NYAP2: variants seen among roughly 807,000 people sequenced by gnomAD.
NYAP2 encodes the protein neuronal tyrosine-phosphorylated phosphoinositide-3-kinase adapter 2.
A neutral mutation model predicts 50.4 loss-of-function variants in NYAP2; 23 were observed. The observed-to-expected ratio is 0.46, with a 90% CI of 0.33 to 0.65. The LOEUF (loss-of-function observed/expected upper bound fraction) is 0.65. Among genes scored for constraint, NYAP2 ranks in the 30% least tolerant of loss-of-function variants. The probability of loss-of-function intolerance (pLI) is 0.02; values close to 1 mark genes in which losing one functional copy is unlikely to be tolerated. For synonymous variants in NYAP2, 394 were observed against 365.2 expected, an observed-to-expected ratio of 1.08 and a Z score of -0.90; for missense variants, 885 against 861.0, an observed-to-expected ratio of 1.03 and a Z score of -0.35.
chr2:225,561,744 G>A (rs536667653), intron 4 of NYAP2, among the ~76,000 whole-genome samples: 2 of 152,174 alleles, frequency 1.3e-5, no homozygotes, highest in South Asian at 2.1e-4. Context: ...GTAAAAATCA[G>A]TATGTTTTTA....
intron 3 of NYAP2, among the ~76,000 whole-genome samples, chr2:225,425,604 G>A (rs1695275664): frequency 6.6e-6 from 1 of 152,090 alleles, no homozygotes; most frequent in Non-Finnish European, 1.5e-5. Context: ...TTGAGTTTCT[G>A]TTTGAAAATG....
At chr2:225,546,982 T>C (rs1464628799) in intron 4 of NYAP2, among the ~76,000 whole-genome samples, 1 of 152,084 alleles carries the variant, frequency 6.6e-6, no homozygotes, top group African/African-American at 2.4e-5. Context: ...AGAAAGGTCA[T>C]ATGGGAACTG....
chr2:225,432,480 TATAA>T (rs1407205519), intron 3 of NYAP2, among the ~76,000 whole-genome samples: 2 of 150,142 alleles, frequency 1.3e-5, no homozygotes, highest in African/African-American at 2.4e-5. Flanking sequence ...TATAAATATA[TATAA>T]ATAGAGAGAT....
intron 3 of NYAP2, among the ~76,000 whole-genome samples, chr2:225,422,905 C>T (rs1179246706): frequency 6.6e-6 from 1 of 152,070 alleles, no homozygotes; most frequent in African/African-American, 2.4e-5. Context: ...CAATGGCTAG[C>T]TATCAGAAGC....
At chr2:225,631,799 T>C (rs1170845140) in intron 6 of NYAP2, among the ~76,000 whole-genome samples, 3 of 152,050 alleles carry the variant, frequency 2.0e-5, no homozygotes, top group Non-Finnish European at 2.9e-5. Flanking sequence ...CCTTTGGTAG[T>C]GTTTTGCTTT....
chr2:225,471,757 G>A (rs1160471364), intron 3 of NYAP2, among the ~76,000 whole-genome samples: 1 of 152,220 alleles, frequency 6.6e-6, no homozygotes, highest in African/African-American at 2.4e-5. Flanking sequence ...TTGAGAGAGT[G>A]TAAGCTGCTT....
intron 3 of NYAP2, among the ~76,000 whole-genome samples, chr2:225,483,340 A>G (rs1261023390): frequency 6.6e-6 from 1 of 152,186 alleles, no homozygotes; most frequent in African/African-American, 2.4e-5. Flanking sequence ...TTAATTATGC[A>G]TAGTTTTTAT....
intron 3 of NYAP2, among the ~76,000 whole-genome samples, chr2:225,486,894 A>G (rs1243776599): frequency 6.6e-6 from 1 of 152,178 alleles, no homozygotes; most frequent in Non-Finnish European, 1.5e-5. Flanking sequence ...ACATTTAAAC[A>G]TTTTAAATGG....
intron 3 of NYAP2, among the ~76,000 whole-genome samples, chr2:225,470,579 A>G (rs911593500): frequency 6.6e-6 from 1 of 152,162 alleles, no homozygotes; most frequent in Non-Finnish European, 1.5e-5. Flanking sequence ...GAATAAAAAC[A>G]TCATAGGGGG....
chr2:225,499,475 G>C (rs907278317), intron 3 of NYAP2, among the ~76,000 whole-genome samples: 40 of 136,712 alleles, frequency 2.9e-4, no homozygotes, highest in Non-Finnish European at 5.7e-4. Context: ...ACTGTTCCCG[G>C]CTAATTTTTT....
At chr2:225,571,352 C>A (rs1692069691) in intron 4 of NYAP2, among the ~76,000 whole-genome samples, 1 of 152,248 alleles carries the variant, frequency 6.6e-6, no homozygotes. Flanking sequence ...CATTTCCCTT[C>A]CACACTGCCA....
At chr2:225,496,810 C>G (rs1032478204) in intron 3 of NYAP2, among the ~76,000 whole-genome samples, 1 of 151,966 alleles carries the variant, frequency 6.6e-6, no homozygotes, top group African/African-American at 2.4e-5. Context: ...GGGTGTATAT[C>G]TTTATTGTAC....
chr2:225,636,245 G>A (rs747670064), intron 6 of NYAP2, among the ~76,000 whole-genome samples: 28 of 152,206 alleles, frequency 1.8e-4, no homozygotes, highest in Non-Finnish European at 3.7e-4. Flanking sequence ...TAGGAGCCAG[G>A]CAAATAAGAG....
intron 6 of NYAP2, among the ~76,000 whole-genome samples, chr2:225,640,705 A>G (rs1204430913): frequency 1.3e-5 from 2 of 152,222 alleles, no homozygotes; most frequent in African/African-American, 2.4e-5. Flanking sequence ...CCATGAGGCT[A>G]CTTACGGGTT....
chr2:225,558,382 T>C (rs1691813120), intron 4 of NYAP2, among the ~76,000 whole-genome samples: 1 of 152,196 alleles, frequency 6.6e-6, no homozygotes, highest in African/African-American at 2.4e-5. Flanking sequence ...TTGTCCATTT[T>C]TCCAGCTTCT....
intron 4 of NYAP2, among the ~76,000 whole-genome samples, chr2:225,565,786 C>G (rs1691950588): frequency 6.6e-6 from 1 of 152,092 alleles, no homozygotes; most frequent in Non-Finnish European, 1.5e-5. Flanking sequence ...TTGAGCTCAA[C>G]AAGGCTTCGT....
downstream of NYAP2, among the ~76,000 whole-genome samples, chr2:225,657,703 T>C (rs1254464186): frequency 1.3e-5 from 2 of 151,932 alleles, no homozygotes; most frequent in Non-Finnish European, 2.9e-5. Context: ...CTCAGGCCAC[T>C]ATGAGCATAG....
intron 4 of NYAP2, among the ~76,000 whole-genome samples, chr2:225,515,907 C>G (rs567767148): frequency 1.3e-5 from 2 of 152,154 alleles, no homozygotes; most frequent in African/African-American, 4.8e-5. Flanking sequence ...ATAAAAGAAC[C>G]ACCCAAAGAG....
intron 4 of NYAP2, among the ~76,000 whole-genome samples, chr2:225,578,542 A>G (rs1480582052): frequency 2.6e-5 from 4 of 152,182 alleles, no homozygotes; most frequent in Admixed American, 6.5e-5. Flanking sequence ...TAGAAACTGG[A>G]GAGTCAGATC....
Sources: allele counts gnomAD v4.1 joint callset (sites outside exome capture counted in the v4.1 genomes callset), GRCh38; gene constraint gnomAD v4.1.1; transcripts MANE v1.5; gene names NCBI Gene and HGNC (gene_info 2026-07-23, HGNC 2026-07-21).